RFTN2: variants seen among roughly 807,000 people sequenced by gnomAD.
RFTN2 encodes the protein raftlin family member 2, also known as raftlin-2.
In RFTN2, 34 loss-of-function variants were observed where a neutral mutation model predicts 52.7. The ratio of observed to expected loss-of-function variants is 0.64; its 90% CI spans 0.49 to 0.86. The LOEUF (loss-of-function observed/expected upper bound fraction) is 0.86, where lower values mean the gene tolerates loss of function less well. Ranked by LOEUF, RFTN2 falls within the 40% of genes least tolerant of loss-of-function variation. The pLI is 0.00. For synonymous variants in RFTN2, 203 were observed against 217.7 expected (o/e 0.93, Z 0.59); for missense variants, 536 against 600.1 (o/e 0.89, Z 1.12).
chr2:197,614,102 A>G (rs749361131), intron 7 of RFTN2, among the ~76,000 whole-genome samples: 2 of 152,174 alleles, frequency 1.3e-5, no homozygotes, highest in Non-Finnish European at 2.9e-5. Flanking sequence ...ATATTACACA[A>G]TACATAAGCT....
At chr2:197,631,551 A>T (rs1015887125) in intron 4 of RFTN2, among the ~76,000 whole-genome samples, 4 of 152,136 alleles carry the variant, frequency 2.6e-5, no homozygotes, top group Admixed American at 6.5e-5. Context: ...CAGTTTGAAA[A>T]TTTTTTTAAA....
At chr2:197,600,781 G>C (rs528521551) in intron 7 of RFTN2, among the ~76,000 whole-genome samples, 1 of 152,254 alleles carries the variant, frequency 6.6e-6, no homozygotes, top group East Asian at 1.9e-4. Context: ...AAGTGACTTA[G>C]TATCTTCCTG....
intron 5 of RFTN2, among the ~76,000 whole-genome samples, chr2:197,628,283 A>G (rs1377615684): frequency 6.6e-6 from 1 of 152,108 alleles, no homozygotes; most frequent in Non-Finnish European, 1.5e-5. Flanking sequence ...CATAGCCTGC[A>G]ATGTCAAATG....
chr2:197,601,234 A>T (rs910561075), intron 7 of RFTN2, among the ~76,000 whole-genome samples: 1 of 152,238 alleles, frequency 6.6e-6, no homozygotes, highest in African/African-American at 2.4e-5. Flanking sequence ...ATTTCATAAG[A>T]AAGCACAAAG....
chr2:197,590,389 T>C (rs749714784), intron 8 of RFTN2, among the ~76,000 whole-genome samples: 1 of 152,204 alleles, frequency 6.6e-6, no homozygotes, highest in African/African-American at 2.4e-5. Flanking sequence ...GTATCTAGAA[T>C]ACTGCAGAAG....
chr2:197,615,584 GT>G (rs3841587), intron 7 of RFTN2, among the ~76,000 whole-genome samples: 34,299 of 152,044 alleles, frequency 0.23, 4,078 homozygotes, highest in African/African-American at 0.3. Flanking sequence ...TGGAGGGGAG[GT>G]GGCAGAAGCG....
chr2:197,591,909 C>T (rs73052819), intron 8 of RFTN2, among the ~76,000 whole-genome samples: 4,480 of 150,536 alleles, frequency 0.03, 215 homozygotes, highest in African/African-American at 0.1. Flanking sequence ...GAACTGGTTC[C>T]TGCCCCGTGC....
chr2:197,575,701 G>A (rs1319039665), intron 8 of RFTN2, among the ~76,000 whole-genome samples: 2 of 142,952 alleles, frequency 1.4e-5, no homozygotes, highest in Non-Finnish European at 3.1e-5. Flanking sequence ...GGAGTTCAAG[G>A]CCAGCTTAGG....
intron 8 of RFTN2, among the ~76,000 whole-genome samples, chr2:197,578,361 C>A (rs2087451629): frequency 1.4e-5 from 2 of 139,988 alleles, no homozygotes; most frequent in Admixed American, 7.3e-5. Flanking sequence ...TCTAAAAAGA[C>A]TTCTGTACCA....
chr2:197,637,062 A>T (rs200600937), intron 3 of RFTN2, among the ~76,000 whole-genome samples: 100,781 of 145,012 alleles, frequency 0.69, 35,381 homozygotes, highest in Middle Eastern at 0.86. Context: ...GTGTATATTG[A>T]ACCAGCCTTG....
At chr2:197,589,508 C>T (rs941223882) in intron 8 of RFTN2, among the ~76,000 whole-genome samples, 1 of 152,212 alleles carries the variant, frequency 6.6e-6, no homozygotes, top group African/African-American at 2.4e-5. Context: ...GATTGCTCCT[C>T]ATTCTCCCCA....
chr2:197,629,831 C>T (rs1267570302), intron 5 of RFTN2, among the ~76,000 whole-genome samples: 1 of 151,898 alleles, frequency 6.6e-6, no homozygotes, highest in Non-Finnish European at 1.5e-5. Flanking sequence ...TCAGGTGATC[C>T]TCCCACATCA....
At chr2:197,612,623 G>A (rs1467903772) in intron 7 of RFTN2, among the ~76,000 whole-genome samples, 3 of 152,190 alleles carry the variant, frequency 2.0e-5, no homozygotes, top group Non-Finnish European at 4.4e-5. Context: ...ATTAAGAAGG[G>A]ATTCTGGCAT....
intron 5 of RFTN2, among the ~76,000 whole-genome samples, chr2:197,621,201 T>G (rs1241789070): frequency 6.6e-6 from 1 of 151,986 alleles, no homozygotes; most frequent in Non-Finnish European, 1.5e-5. Flanking sequence ...TTTAGAGGTA[T>G]GTGTTTTAAA....
chr2:197,633,864 T>A lies in RFTN2; in HGVS notation c.572A>T (p.Asp191Val), dbSNP rs753340496. 5.6e-6 allele frequency: 9 copies of A among 1,613,876 alleles called. No homozygotes were observed. The African/African-American group carries it at 1.1e-4, about 19-fold the overall frequency. ...ESMLHVRHGS[D>V]ENCRSWNEGT... ...TTCATTCCAACTTCTACAGTTTTCA[T>A]CTGAACCGTGTCTCACATGTAGCAT... The change falls in exon 4 of 9, where the codon GAT becomes GTT. Residue 191 changes from aspartate to valine, a missense_variant. By Grantham distance (152) the Asp-to-Val change is radical. Transcript: ENST00000295049.
chr2:197,572,231 C>T lies in RFTN2; in HGVS notation c.1283G>A (p.Ser428Asn), dbSNP rs775817578. The change falls in exon 9 of 9, where the codon AGT (serine) becomes AAT (asparagine). Residue 428 changes from serine (S) to asparagine (N), a missense_variant. Ser to Asn is a conservative substitution (Grantham distance 46, BLOSUM62 1). Coordinates refer to ENST00000295049, the MANE Select transcript of RFTN2 (RefSeq NM_144629.3). ...IKGEDKNKAT[S>N]RSIGLDTTSS... ...GGTTGTGTCTAATCCGATGCTTCTA[C>T]TAGTGGCTTTATTCTTGTCTTCACC... 4.3e-5 allele frequency: 70 copies of T among 1,614,136 alleles called. No individual in the cohort carries two copies. The highest frequency in any genetic ancestry group is 5.5e-5 in the Non-Finnish European group (65 of 1,180,040).
intron 2 of RFTN2, among the ~76,000 whole-genome samples, chr2:197,645,096 T>G (rs2088729662): frequency 6.6e-6 from 1 of 152,202 alleles, no homozygotes; most frequent in South Asian, 2.1e-4. Flanking sequence ...GTCTTTAGGA[T>G]GGTTTTGATA....
At chr2:197,616,226 T>G (rs1559350273) in intron 6 of RFTN2, among the ~76,000 whole-genome samples, 1 of 145,296 alleles carries the variant, frequency 6.9e-6, no homozygotes, top group Non-Finnish European at 1.5e-5. Flanking sequence ...AGGGCAGTGG[T>G]TCTCGAAATT....
rs566137479 is a variant in RFTN2, at chr2:197,569,557, GTTATT to G, written c.*2446_*2450del. On this transcript the variant is annotated 3_prime_UTR_variant, in exon 9 of 9. Transcript: ENST00000295049. Reference sequence around the variant, plus strand: ...GACTAGTAAGTTTATTTTAATAAAAGTTATTTTAATAAGAAATAACTCAGATTAAA... The same window carrying G: ...GACTAGTAAGTTTATTTTAATAAAAGTTAATAAGAAATAACTCAGATTAAA... 6.6e-6 allele frequency: 1 copy of G among 152,034 alleles called. No homozygotes were observed. Among genetic ancestry groups the G allele is most frequent in the African/African-American group, 2.4e-5 (1 of 41,408 alleles). 9.4% of individuals were successfully genotyped at this position (152,034 alleles called of 1,614,324 possible).
Sources: allele counts gnomAD v4.1 joint callset (sites outside exome capture counted in the v4.1 genomes callset), GRCh38; gene constraint gnomAD v4.1.1; transcripts MANE v1.5; gene names NCBI Gene and HGNC (gene_info 2026-07-23, HGNC 2026-07-21).